DLG2: variants seen among roughly 807,000 people sequenced by gnomAD.
The protein encoded by DLG2 is discs large MAGUK scaffold protein 2, also known as disks large homolog 2.
DLG2 carries 45 observed loss-of-function variants against 132.5 expected under a neutral mutation model. That is an observed-to-expected ratio of 0.34 (90% CI 0.27 to 0.44). The LOEUF is 0.44. Among genes scored for constraint, DLG2 ranks in the 20% least tolerant of loss-of-function variants. The pLI is 1.00. For missense variants in DLG2, 1,045 were observed against 1,196.9 expected (o/e 0.87, Z 1.87); for synonymous variants, 424 against 419.6 (o/e 1.01, Z -0.13).
Position 83,580,371 on chromosome 11 carries a change from A to C in DLG2, c.1941-38513T>G, listed in dbSNP as rs77991411. Among the ~76,000 whole-genome samples, 883 of 152,222 alleles carry C rather than the reference A, an allele frequency of 5.8e-3. 5 individuals are homozygous for C. The highest frequency in any genetic ancestry group is 0.024 in the Middle Eastern group (7 of 294). ...TGCCACAACTTTTAGGAAAAAAAAA[A>C]ACATTTATTGAGCACTACTCTCTGC... On this transcript the variant is annotated intron_variant, in intron 19 of 27. Coordinates refer to ENST00000376104, the MANE Select transcript of DLG2 (RefSeq NM_001142699.3).
intron 3 of DLG2, among the ~76,000 whole-genome samples, chr11:85,382,049 G>T (rs535717580): frequency 5.3e-5 from 8 of 152,236 alleles, no homozygotes; most frequent in Non-Finnish European, 1.0e-4. Context: ...ATACGGAAAT[G>T]CATGGGACCC....
rs79518507 is a variant in DLG2, at chr11:85,055,438, G to A, written c.357+56223C>T. On this transcript the variant is annotated intron_variant, in intron 6 of 27. Coordinates refer to ENST00000376104, the MANE Select transcript of DLG2 (RefSeq NM_001142699.3). ...GAGAGAAGAAAATTCATGAGGAAAG[G>A]TACTCAACACATCTTTTCCCCTCAG... Among the ~76,000 whole-genome samples, 280 of 152,288 alleles carry A rather than the reference G, an allele frequency of 1.8e-3. 3 individuals are homozygous for A. The highest frequency in any genetic ancestry group is 6.2e-3 in the African/African-American group (259 of 41,562).
intron 19 of DLG2, among the ~76,000 whole-genome samples, chr11:83,602,311 G>A (rs1264766187): frequency 1.3e-5 from 2 of 152,210 alleles, no homozygotes; most frequent in Non-Finnish European, 2.9e-5. Flanking sequence ...TTTGCAAAAT[G>A]CATGTGCGTT....
intron 7 of DLG2, among the ~76,000 whole-genome samples, chr11:84,530,697 T>C (rs1454051985): frequency 6.6e-6 from 1 of 152,202 alleles, no homozygotes; most frequent in Non-Finnish European, 1.5e-5. Context: ...ATTTCAGCTA[T>C]TGTGGAAAGC....
At chr11:83,837,885 A>G (rs1274474740) in intron 16 of DLG2, among the ~76,000 whole-genome samples, 1 of 152,036 alleles carries the variant, frequency 6.6e-6, no homozygotes, top group African/African-American at 2.4e-5. Context: ...TTTGCTTTTT[A>G]AATAAGAGGG....
At chr11:83,668,562 G>A (rs2076136741) in intron 18 of DLG2, among the ~76,000 whole-genome samples, 1 of 151,438 alleles carries the variant, frequency 6.6e-6, no homozygotes, top group Admixed American at 6.6e-5. Context: ...TAATATAATT[G>A]TACTCATATG....
chr11:85,583,124 G>GTA (rs1565717537), intron 3 of DLG2, among the ~76,000 whole-genome samples: 18 of 41,048 alleles, frequency 4.4e-4, no homozygotes, highest in East Asian at 2.1e-3. Context: ...GTGTGTGTGT[G>GTA]TGTGTGTATA....
At chr11:85,521,280 G>A (rs2074292147) in intron 3 of DLG2, among the ~76,000 whole-genome samples, 1 of 152,138 alleles carries the variant, frequency 6.6e-6, no homozygotes, top group African/African-American at 2.4e-5. Context: ...TGACAGCTTT[G>A]TGAGGGGCTT....
At chr11:85,590,924 CA>C (rs918406825) in intron 3 of DLG2, among the ~76,000 whole-genome samples, 3 of 152,076 alleles carry the variant, frequency 2.0e-5, no homozygotes, top group Non-Finnish European at 4.4e-5. Flanking sequence ...CATATGCACT[CA>C]AAATAAAAGA....
At position 83,459,707 on chromosome 11, in the gene DLG2, G is replaced by A; in HGVS notation, c.*111C>T. On this transcript the variant is annotated 3_prime_UTR_variant, in exon 28 of 28. Transcript: ENST00000376104. ...TTGTACATTCGTAAGAATTCACATT[G>A]ACTGCAAAAACATAAATGCAACAAA... The A allele has an allele frequency of 1.6e-6, 1 of 635,662 alleles. No homozygotes were observed. Among genetic ancestry groups the A allele is most frequent in the South Asian group, 2.0e-5 (1 of 49,108 alleles). The allele number at this position is 635,662 out of a possible 1,614,324, so 39.4% of individuals were successfully genotyped here.
intron 7 of DLG2, among the ~76,000 whole-genome samples, chr11:84,330,774 A>T (rs1949176771): frequency 6.6e-6 from 1 of 152,136 alleles, no homozygotes; most frequent in Non-Finnish European, 1.5e-5. Context: ...TCAGTCCCAG[A>T]TTTTTACACT....
chr11:85,417,561 A>T (rs2089969633), intron 3 of DLG2, among the ~76,000 whole-genome samples: 1 of 152,154 alleles, frequency 6.6e-6, no homozygotes, highest in Non-Finnish European at 1.5e-5. Context: ...TCGGCTGTGA[A>T]TCTATCTGGT....
At chr11:84,180,737 C>A (rs982363013) in intron 8 of DLG2, among the ~76,000 whole-genome samples, 2 of 151,886 alleles carry the variant, frequency 1.3e-5, no homozygotes, top group Admixed American at 6.6e-5. Context: ...TCTGAACCCC[C>A]CCAGAAACCA....
At chr11:84,171,118 G>C (rs916901290) in intron 8 of DLG2, among the ~76,000 whole-genome samples, 5 of 152,142 alleles carry the variant, frequency 3.3e-5, no homozygotes, top group African/African-American at 9.7e-5. Flanking sequence ...TTTCTGGAGG[G>C]AAAGAGTAAG....
intron 10 of DLG2, among the ~76,000 whole-genome samples, chr11:84,072,233 T>A (rs1459396277): frequency 3.3e-5 from 5 of 152,202 alleles, no homozygotes; most frequent in Non-Finnish European, 7.3e-5. Context: ...ACAATCTGAT[T>A]GCTATTCACT....
intron 6 of DLG2, among the ~76,000 whole-genome samples, chr11:84,815,770 T>C (rs2077023557): frequency 6.6e-6 from 1 of 152,026 alleles, no homozygotes. Flanking sequence ...TGCTCACATC[T>C]ATTAACTGGG....
intron 21 of DLG2, among the ~76,000 whole-genome samples, chr11:83,514,384 C>G (rs2095200367): frequency 6.6e-6 from 1 of 152,046 alleles, no homozygotes; most frequent in Admixed American, 6.6e-5. Flanking sequence ...GATTTTGTAT[C>G]CTGAGACTTT....
At chr11:83,974,105 A>C (rs1027132157) in intron 12 of DLG2, among the ~76,000 whole-genome samples, 8 of 152,100 alleles carry the variant, frequency 5.3e-5, no homozygotes, top group Non-Finnish European at 1.2e-4. Context: ...TTGGTAGGAA[A>C]GAGACATGCT....
At chr11:84,815,298 G>T (rs552762960) in intron 6 of DLG2, among the ~76,000 whole-genome samples, 1 of 152,208 alleles carries the variant, frequency 6.6e-6, no homozygotes, top group South Asian at 2.1e-4. Context: ...AGAGAAACTA[G>T]AAGAAATTGT....
Sources: allele counts gnomAD v4.1 joint callset (sites outside exome capture counted in the v4.1 genomes callset), GRCh38; gene constraint gnomAD v4.1.1; transcripts MANE v1.5; gene names NCBI Gene and HGNC (gene_info 2026-07-23, HGNC 2026-07-21).